The following TRIM33 variants were observed in gnomAD, a reference collection of about 807,000 sequenced individuals.
The protein encoded by TRIM33 is E3 ubiquitin-protein ligase TRIM33.
TRIM33 carries 20 observed loss-of-function variants against 125.4 expected under a neutral mutation model. That is an observed-to-expected ratio of 0.16 (90% CI 0.11 to 0.23). TRIM33 has a LOEUF of 0.23. TRIM33 is among the 10% of genes least tolerant of loss of function. The probability of loss-of-function intolerance (pLI) is 1.00; values close to 1 mark genes in which losing one functional copy is unlikely to be tolerated. For synonymous variants in TRIM33, 564 were observed against 513.9 expected (o/e 1.10, Z -1.32); for missense variants, 920 against 1,411.4 (o/e 0.65, Z 5.58).
At chr1:114,498,174 A>G (rs981824598) in intron 1 of TRIM33, among the ~76,000 whole-genome samples, 1 of 151,956 alleles carries the variant, frequency 6.6e-6, no homozygotes, top group Non-Finnish European at 1.5e-5. Context: ...CCAAATATAA[A>G]TAAGGAATCA....
intron 4 of TRIM33, among the ~76,000 whole-genome samples, chr1:114,462,567 A>G (rs1650062637): frequency 6.6e-6 from 1 of 152,198 alleles, no homozygotes. Flanking sequence ...ATTTTTGTAC[A>G]GTTTCCAAAC....
rs1651432424 is a variant in TRIM33, at chr1:114,394,386, T to G, written c.*3262A>C. 4.5e-6 allele frequency: 1 copy of G among 223,508 alleles called. No homozygotes were observed. 13.8% of individuals were successfully genotyped at this position (223,508 alleles called of 1,614,324 possible). A position where few individuals can be genotyped will look rare whatever the true frequency, so the allele number is the denominator to read the frequency against. ...AGTAGGCCACAATCCAAGGGCATAG[T>G]TGGAAGACCTGAATCTATTATCTTA... is the stretch of plus-strand genomic sequence containing the variant. On this transcript the variant is annotated 3_prime_UTR_variant, in exon 20 of 20. Transcript: ENST00000358465.
intron 1 of TRIM33, among the ~76,000 whole-genome samples, chr1:114,499,864 G>C (rs1394361639): frequency 1.3e-5 from 2 of 152,074 alleles, no homozygotes; most frequent in Non-Finnish European, 2.9e-5. Flanking sequence ...GTATACCTGA[G>C]ACATTTAAAA....
chr1:114,486,327 A>G (rs935498706), intron 1 of TRIM33, among the ~76,000 whole-genome samples: 31 of 151,986 alleles, frequency 2.0e-4, no homozygotes, highest in African/African-American at 7.5e-4. Flanking sequence ...AAAAGAAATG[A>G]AAGTTATAGA....
intron 5 of TRIM33, among the ~76,000 whole-genome samples, chr1:114,431,718 G>A (rs1186094606): frequency 2.0e-5 from 3 of 152,062 alleles, no homozygotes; most frequent in South Asian, 4.1e-4. Context: ...TGCCAAGTTC[G>A]AATTTAGTTA....
intron 1 of TRIM33, among the ~76,000 whole-genome samples, chr1:114,476,495 T>A (rs559146920): frequency 2.0e-5 from 3 of 151,958 alleles, no homozygotes; most frequent in South Asian, 4.1e-4. Context: ...ACAAATTTTT[T>A]AAAAAAACAG....
At chr1:114,503,450 T>C (rs531598668) in intron 1 of TRIM33, among the ~76,000 whole-genome samples, 3 of 152,248 alleles carry the variant, frequency 2.0e-5, no homozygotes, top group Non-Finnish European at 2.9e-5. Flanking sequence ...TGCACTCCAG[T>C]GTGGGTGACA....
intron 1 of TRIM33, among the ~76,000 whole-genome samples, chr1:114,499,116 C>G (rs1050655693): frequency 5.9e-5 from 9 of 152,114 alleles, no homozygotes; most frequent in African/African-American, 2.2e-4. Flanking sequence ...CTTAAAAGTT[C>G]TGAGGAAAAA....
At chr1:114,488,946 AAGGTG>A (rs1419262374) in intron 1 of TRIM33, among the ~76,000 whole-genome samples, 1 of 152,142 alleles carries the variant, frequency 6.6e-6, no homozygotes, top group East Asian at 1.9e-4. Flanking sequence ...TCAGCTGGGG[AAGGTG>A]AGGTGGGAGG....
At chr1:114,446,520 T>TAA (rs1242107939) in intron 4 of TRIM33, among the ~76,000 whole-genome samples, 1 of 152,104 alleles carries the variant, frequency 6.6e-6, no homozygotes, top group Non-Finnish European at 1.5e-5. Flanking sequence ...GACATTAAGT[T>TAA]AAAATTGCAT....
At chr1:114,509,995 T>C (rs1653240201) in intron 1 of TRIM33, among the ~76,000 whole-genome samples, 1 of 152,156 alleles carries the variant, frequency 6.6e-6, no homozygotes, top group African/African-American at 2.4e-5. Flanking sequence ...GAGTTTCTCT[T>C]TCCCCATGTC....
chr1:114,463,745 C>A (rs1650126683), intron 2 of TRIM33, among the ~76,000 whole-genome samples, 189 bp from the exon 3 acceptor site: 1 of 150,274 alleles, frequency 6.7e-6, no homozygotes, highest in South Asian at 2.1e-4. Context: ...AGGCTGAGAA[C>A]ACGAAGTCTG....
intron 9 of TRIM33, 150 bp from the exon 10 acceptor site, chr1:114,424,905 A>G: frequency 1.8e-6 from 1 of 561,952 alleles, no homozygotes; most frequent in Non-Finnish European, 2.9e-6. Context: ...CAATCCCCAG[A>G]GGACTGGTAA....
rs566761074 is a variant in TRIM33 at position 114,405,353 on chromosome 1, GTTAT to G, written c.2768+53_2768+56del. On this transcript the variant is annotated intron_variant, in intron 15 of 19. Coordinates refer to ENST00000358465, the MANE Select transcript of TRIM33 (RefSeq NM_015906.4). ...GGCCATCTGCCCTGAACATTCTTCT[GTTAT>G]TTATTTTTAGCTTATGAAAATCAAC... 81 of 1,353,478 alleles carry G rather than the reference GTTAT, an allele frequency of 6.0e-5. No homozygotes were observed. The African/African-American group carries it at 1.1e-3, about 18-fold the overall frequency. 83.8% of individuals were successfully genotyped at this position (1,353,478 alleles called of 1,614,324 possible).
intron 1 of TRIM33, among the ~76,000 whole-genome samples, chr1:114,471,624 A>G (rs1206260940): frequency 2.6e-5 from 4 of 152,166 alleles, no homozygotes; most frequent in African/African-American, 9.7e-5. Context: ...AGCAACTGCA[A>G]AAAACAAAAC....
chr1:114,484,259 A>G (rs1462013026), intron 1 of TRIM33, among the ~76,000 whole-genome samples: 2 of 152,172 alleles, frequency 1.3e-5, no homozygotes, highest in African/African-American at 4.8e-5. Context: ...GTTATTTTAT[A>G]TTCTTTTATA....
chr1:114,464,513 A>G (rs1415033184), intron 1 of TRIM33, 125 bp from the exon 2 acceptor site: 1 of 522,250 alleles, frequency 1.9e-6, no homozygotes. Context: ...AGAGCTCAGT[A>G]AAATAACCCA....
At chr1:114,447,687 A>G (rs759630603) in intron 4 of TRIM33, among the ~76,000 whole-genome samples, 4 of 152,240 alleles carry the variant, frequency 2.6e-5, no homozygotes, top group African/African-American at 7.2e-5. Context: ...AACAAACAAA[A>G]TAAGCAAATG....
At chr1:114,486,018 T>C (rs1304411652) in intron 1 of TRIM33, among the ~76,000 whole-genome samples, 1 of 152,156 alleles carries the variant, frequency 6.6e-6, no homozygotes. Flanking sequence ...CTCACACCTG[T>C]AATCCCAGCA....
Sources: gnomAD v4.1 joint callset for allele counts (sites outside exome capture counted in the v4.1 genomes callset) on GRCh38, gnomAD v4.1.1 for gene constraint, MANE v1.5 for transcripts, NCBI Gene and HGNC (gene_info 2026-07-23, HGNC 2026-07-21) for gene names.